Variants in CYP39A1 observed in about 807,000 individuals in gnomAD.
The protein encoded by CYP39A1 is cytochrome P450 family 39 subfamily A member 1.
Under a neutral mutation model 58.1 loss-of-function variants are expected in CYP39A1, and 49 were observed. The ratio of observed to expected loss-of-function variants is 0.84; its 90% CI spans 0.67 to 1.07. The LOEUF (loss-of-function observed/expected upper bound fraction) is 1.07, where lower values mean the gene tolerates loss of function less well. Among genes scored for constraint, CYP39A1 ranks in the 50% least tolerant of loss-of-function variants. The probability of loss-of-function intolerance (pLI) is 0.00; values close to 1 mark genes in which losing one functional copy is unlikely to be tolerated. For synonymous variants in CYP39A1, 209 were observed against 187.6 expected, an observed-to-expected ratio of 1.11 and a Z score of -0.93; for missense variants, 531 against 539.4, an observed-to-expected ratio of 0.98 and a Z score of 0.16.
intron 10 of CYP39A1, among the ~76,000 whole-genome samples, chr6:46,562,085 C>T (rs559327031): frequency 1.5e-4 from 23 of 151,724 alleles, no homozygotes; most frequent in Non-Finnish European, 3.1e-4. Flanking sequence ...TGCAGTGGTA[C>T]GATCTTGGCT....
chr6:46,647,556 G>A (rs1207521266), intron 1 of CYP39A1, among the ~76,000 whole-genome samples: 1 of 152,164 alleles, frequency 6.6e-6, no homozygotes, highest in Non-Finnish European at 1.5e-5. Flanking sequence ...TTCTACACCT[G>A]TTGGTGGGAG....
intron 4 of CYP39A1, 56 bp from the exon 5 acceptor site, chr6:46,636,538 G>A: frequency 1.8e-6 from 2 of 1,086,530 alleles, no homozygotes; most frequent in Non-Finnish European, 2.7e-6. Context: ...AGGAATAACA[G>A]GTCACAGCAT....
intron 7 of CYP39A1, among the ~76,000 whole-genome samples, chr6:46,624,305 T>C (rs955711313): frequency 2.6e-5 from 4 of 152,214 alleles, no homozygotes; most frequent in African/African-American, 7.2e-5. Flanking sequence ...TTTCCATTTG[T>C]AGACATGTGG....
chr6:46,627,421 TA>T (rs1270065086), intron 6 of CYP39A1, among the ~76,000 whole-genome samples: 241 of 41,754 alleles, frequency 5.8e-3, no homozygotes, highest in Middle Eastern at 0.028. Context: ...TTTATTTATT[TA>T]TTTTTTTTTT....
At chr6:46,648,969 CA>C (rs1282372198) in intron 1 of CYP39A1, among the ~76,000 whole-genome samples, 1 of 152,150 alleles carries the variant, frequency 6.6e-6, no homozygotes, top group Non-Finnish European at 1.5e-5. Context: ...TTCTAATAAA[CA>C]AAAGACTGAT....
At chr6:46,552,013 A>G (rs566238035) in intron 11 of CYP39A1, among the ~76,000 whole-genome samples, 1 of 152,230 alleles carries the variant, frequency 6.6e-6, no homozygotes, top group South Asian at 2.1e-4. Flanking sequence ...GTGTCAAAAC[A>G]TAAATAGGAC....
At chr6:46,575,687 C>A (rs974677108) in intron 10 of CYP39A1, among the ~76,000 whole-genome samples, 4 of 152,170 alleles carry the variant, frequency 2.6e-5, no homozygotes, top group African/African-American at 9.7e-5. Flanking sequence ...AGTGTTGTTG[C>A]CAACAGACTG....
Position 46,636,413 on chromosome 6 carries a change from A to G in CYP39A1, c.708T>C (p.Cys236=). The G allele has an allele frequency of 6.2e-7, 1 of 1,608,834 alleles. No homozygotes were observed. The highest frequency in any genetic ancestry group is 8.5e-7 in the Non-Finnish European group (1 of 1,178,008). Residue 236 remains cysteine, a synonymous_variant, in exon 5 of 12, where the codon TGT becomes TGC. Transcript: ENST00000275016. ...FEKNIPDIKA[C]KSAKDNSMTL... is the part of the protein sequence containing the mutation. ...CCATGGAATTATCTTTTGCAGATTT[A>G]CATGCTTTTATATCTGGAATGTTTT...
At chr6:46,573,945 G>T (rs988675588) in intron 10 of CYP39A1, among the ~76,000 whole-genome samples, 1 of 152,172 alleles carries the variant, frequency 6.6e-6, no homozygotes, top group Non-Finnish European at 1.5e-5. Flanking sequence ...TTGCTTTTAA[G>T]GGAATTACAT....
intron 1 of CYP39A1, among the ~76,000 whole-genome samples, chr6:46,644,503 A>G (rs1776533118): frequency 6.6e-6 from 1 of 152,188 alleles, no homozygotes; most frequent in Non-Finnish European, 1.5e-5. Context: ...GCAGGGCAAC[A>G]CAGCAAGACT....
chr6:46,625,634 A>G (rs2150572969), intron 6 of CYP39A1, 126 bp from the exon 7 acceptor site: 1 of 519,110 alleles, frequency 1.9e-6, no homozygotes, highest in East Asian at 3.1e-5. Flanking sequence ...AGAGCACATT[A>G]GTAGAAAGCA....
intron 10 of CYP39A1, among the ~76,000 whole-genome samples, chr6:46,568,355 T>A (rs1262661197): frequency 6.6e-6 from 1 of 152,104 alleles, no homozygotes; most frequent in Admixed American, 6.6e-5. Flanking sequence ...TGTGTTGCCT[T>A]TTTGTTTTGT....
In CYP39A1 at chr6:46,625,482, G is replaced by A. The variant is rs937297589; in HGVS notation, c.867C>T (p.Val289=). 5 of 1,610,704 alleles carry A rather than the reference G, an allele frequency of 3.1e-6. No individual in the cohort carries two copies. The highest frequency in any genetic ancestry group is 2.7e-5 in the African/African-American group (2 of 74,924). The change falls in exon 7 of 12, where the codon GTC becomes GTT. Residue 289 remains valine, a synonymous_variant. Transcript: ENST00000275016. ...CCTTGTGGATATCAGGATGAGAAAG[G>A]ACGTATGCAAGTGTCCAAAATGCAA... is the stretch of plus-strand genomic sequence containing the variant. ...VPVAFWTLAY[V]LSHPDIHKAI...
In CYP39A1 at chr6:46,652,492, A is replaced by C; in HGVS notation, c.91T>G (p.Cys31Gly). The change falls in exon 1 of 12, where the codon TGC becomes GGC. Residue 31 changes from cysteine (C) to glycine (G), a missense_variant. Cys to Gly is a radical substitution (Grantham distance 159, BLOSUM62 -3). Transcript: ENST00000275016. ...ATCCAAGGAATCCAGCCCTTGATGCACGGGGGTCTACGCAAATTCTTCCGC... is the reference window on the plus strand; with the variant it reads ...ATCCAAGGAATCCAGCCCTTGATGCCCGGGGGTCTACGCAAATTCTTCCGC... ...LQRKNLRRPP[C>G]IKGWIPWIGV... 2 of 1,613,972 alleles carry C rather than the reference A, an allele frequency of 1.2e-6. No individual in the cohort carries two copies. Among genetic ancestry groups the C allele is most frequent in the Non-Finnish European group, 1.7e-6 (2 of 1,179,954 alleles).
At chr6:46,645,174 G>C (rs1762244274) in intron 1 of CYP39A1, among the ~76,000 whole-genome samples, 2 of 152,016 alleles carry the variant, frequency 1.3e-5, no homozygotes, top group South Asian at 4.1e-4. Context: ...TTCCTTTTAT[G>C]AACTGTCCTT....
intron 2 of CYP39A1, among the ~76,000 whole-genome samples, chr6:46,640,991 C>G (rs919598856): frequency 2.0e-5 from 3 of 151,758 alleles, no homozygotes; most frequent in African/African-American, 7.3e-5. Context: ...TATACATATA[C>G]TATGCTGGTA....
intron 10 of CYP39A1, among the ~76,000 whole-genome samples, chr6:46,554,196 A>C (rs1052958428): frequency 2.6e-5 from 4 of 152,240 alleles, no homozygotes; most frequent in Non-Finnish European, 4.4e-5. Flanking sequence ...ACATTTAATA[A>C]ATAAGTTTAA....
At chr6:46,639,762 C>T in intron 2 of CYP39A1, 94 bp from the exon 3 acceptor site, 5 of 1,012,638 alleles carry the variant, frequency 4.9e-6, no homozygotes, top group Non-Finnish European at 7.2e-6. Flanking sequence ...GCAGGGACTA[C>T]AGCCAAAGTC....
intron 10 of CYP39A1, among the ~76,000 whole-genome samples, chr6:46,579,863 AC>A (rs1231990936): frequency 6.6e-6 from 1 of 152,196 alleles, no homozygotes; most frequent in African/African-American, 2.4e-5. Flanking sequence ...TATGACACAA[AC>A]AAATGGAGAA....
Sources: gnomAD v4.1 joint callset for allele counts (sites outside exome capture counted in the v4.1 genomes callset) on GRCh38, gnomAD v4.1.1 for gene constraint, MANE v1.5 for transcripts, NCBI Gene and HGNC (gene_info 2026-07-23, HGNC 2026-07-21) for gene names.